RLIG1: variants seen among roughly 807,000 people sequenced by gnomAD.
RLIG1 encodes RNA ligase 1.
the RLIG1 span, among the ~76,000 whole-genome samples, chr12:88,047,903 T>A: frequency 6.6e-6 from 1 of 152,130 alleles, no homozygotes; most frequent in Non-Finnish European, 1.5e-5. Flanking sequence ...TGCCCACATT[T>A]TTCAGGTAGC....
At chr12:88,043,598 G>T in the RLIG1 span, 1 of 1,588,326 alleles carries the variant, frequency 6.3e-7, no homozygotes, top group Non-Finnish European at 8.6e-7. Context: ...ATATTTTTTA[G>T]AATTTTTTTG....
chr12:88,042,035 G>C, the RLIG1 span: 2 of 152,148 alleles, frequency 1.3e-5, no homozygotes, highest in African/African-American at 4.8e-5. Flanking sequence ...AAGTAAAGAT[G>C]TGTATTATAG....
the RLIG1 span, chr12:88,042,628 C>T: frequency 5.1e-6 from 2 of 393,388 alleles, no homozygotes; most frequent in East Asian, 7.7e-5. Context: ...GTCTCATCCC[C>T]CTCATTCTTT....
the RLIG1 span, chr12:88,043,713 C>A: frequency 6.3e-7 from 1 of 1,599,574 alleles, no homozygotes; most frequent in African/African-American, 1.3e-5. Context: ...GGACACATTC[C>A]TGGTATCATG....
the RLIG1 span, chr12:88,049,679 T>TC: frequency 3.6e-6 from 1 of 275,104 alleles, no homozygotes; most frequent in Non-Finnish European, 6.7e-6. Flanking sequence ...TGGGACTTAA[T>TC]CTTTCTCTAA....
the RLIG1 span, chr12:88,035,541 G>A: frequency 1.7e-6 from 2 of 1,155,692 alleles, no homozygotes; most frequent in Non-Finnish European, 2.5e-6. Flanking sequence ...TGGGCGCGGA[G>A]TGTGCGTGGC....
the RLIG1 span, chr12:88,040,277 CTA>C: frequency 7.3e-7 from 1 of 1,362,992 alleles, no homozygotes; most frequent in Non-Finnish European, 1.0e-6. Context: ...TAAAATAAAA[CTA>C]TAATATTTAC....
At chr12:88,035,540 A>G in the RLIG1 span, 1 of 1,121,892 alleles carries the variant, frequency 8.9e-7, no homozygotes, top group Non-Finnish European at 1.3e-6. Flanking sequence ...CTGGGCGCGG[A>G]GTGTGCGTGG....
chr12:88,043,695 A>G, the RLIG1 span: 1 of 1,611,306 alleles, frequency 6.2e-7, no homozygotes, highest in Non-Finnish European at 8.5e-7. Flanking sequence ...CCAGTGCCTG[A>G]TGAAAATGGA....
the RLIG1 span, chr12:88,044,488 G>GT: frequency 6.6e-6 from 1 of 152,176 alleles, no homozygotes; most frequent in Non-Finnish European, 1.5e-5. Flanking sequence ...AGTCCTCTTA[G>GT]TTTCTGGTAA....
chr12:88,048,627 AG>A, the RLIG1 span: 2 of 361,816 alleles, frequency 5.5e-6, no homozygotes, highest in East Asian at 1.0e-4. Flanking sequence ...TAAAAACATA[AG>A]TAATAGTAAG....
At chr12:88,042,940 T>C in the RLIG1 span, 4 of 1,464,242 alleles carry the variant, frequency 2.7e-6, no homozygotes, top group South Asian at 1.3e-5. Flanking sequence ...TTTTTAACTT[T>C]TCATGTTTAA....
At chr12:88,048,812 A>G in the RLIG1 span, 6 of 186,414 alleles carry the variant, frequency 3.2e-5, no homozygotes, top group Admixed American at 1.8e-4. Context: ...GTGTATGTCT[A>G]CATCTGTGTA....
chr12:88,048,184 A>C, the RLIG1 span: 1 of 1,362,938 alleles, frequency 7.3e-7, no homozygotes. Flanking sequence ...TTCTAAGTGA[A>C]TGAAGATAGT....
At chr12:88,035,596 C>G in the RLIG1 span, 2 of 1,541,052 alleles carry the variant, frequency 1.3e-6, no homozygotes, top group Non-Finnish European at 1.8e-6. Flanking sequence ...CGCGACTGGA[C>G]CGGGCGCCGC....
the RLIG1 span, chr12:88,035,667 G>A: frequency 1.2e-6 from 2 of 1,607,772 alleles, no homozygotes; most frequent in African/African-American, 1.3e-5. Context: ...CTTGGGCTCC[G>A]TGCAGCGGAA....
the RLIG1 span, chr12:88,040,312 T>G: frequency 1.8e-6 from 2 of 1,140,562 alleles, no homozygotes; most frequent in Non-Finnish European, 1.3e-6. Flanking sequence ...TTATTTTTCT[T>G]AATCACTTTA....
chr12:88,046,968 T>G, the RLIG1 span: 1 of 1,605,772 alleles, frequency 6.2e-7, no homozygotes, highest in South Asian at 1.1e-5. Context: ...TGATGGCTGT[T>G]TAATAAAGGT....
At chr12:88,035,689 T>C in the RLIG1 span, 1 of 1,609,148 alleles carries the variant, frequency 6.2e-7, no homozygotes, top group African/African-American at 1.3e-5. Flanking sequence ...ATGCCGTGTG[T>C]GTTTGTGACG....
Sources: gnomAD v4.1 joint callset for allele counts (sites outside exome capture counted in the v4.1 genomes callset) on GRCh38, gnomAD v4.1.1 for gene constraint, MANE v1.5 for transcripts, NCBI Gene and HGNC (gene_info 2026-07-23, HGNC 2026-07-21) for gene names.